SP140: variants seen among roughly 807,000 people sequenced by gnomAD.
SP140 encodes nuclear body protein SP140.
In SP140, 81 loss-of-function variants were observed where a neutral mutation model predicts 125.0. The ratio of observed to expected loss-of-function variants is 0.65; its 90% CI spans 0.54 to 0.78. The LOEUF is 0.78. SP140 is among the 30% of genes least tolerant of loss of function. The probability of loss-of-function intolerance (pLI) is 0.00; values close to 1 mark genes in which losing one functional copy is unlikely to be tolerated. For synonymous variants in SP140, 312 were observed against 354.0 expected (o/e 0.88, Z 1.33); for missense variants, 858 against 1,037.0 (o/e 0.83, Z 2.37).
At chr2:230,260,308 ATTTG>A (rs1458073699) in intron 12 of SP140, among the ~76,000 whole-genome samples, 1 of 151,582 alleles carries the variant, frequency 6.6e-6, no homozygotes, top group Non-Finnish European at 1.5e-5. Context: ...TTTCTTACTG[ATTTG>A]TTTAAGTTCA....
upstream of SP140, among the ~76,000 whole-genome samples, chr2:230,223,350 T>C (rs1574836393): frequency 6.6e-6 from 1 of 152,310 alleles, no homozygotes; most frequent in East Asian, 1.9e-4. Context: ...TGACATTCTA[T>C]GGGATGTCCA....
intron 12 of SP140, among the ~76,000 whole-genome samples, chr2:230,264,379 G>A (rs1277751532): frequency 6.6e-6 from 1 of 151,974 alleles, no homozygotes; most frequent in Non-Finnish European, 1.5e-5. Context: ...TTCACTTCTT[G>A]TATCATATTT....
At chr2:230,239,084 A>G in intron 3 of SP140, 1 of 1,364,562 alleles carries the variant, frequency 7.3e-7, no homozygotes, top group Non-Finnish European at 9.5e-7. Flanking sequence ...GAAAAGTAAA[A>G]GAAGTCAGTA....
chr2:230,253,871 G>C (rs1453164942), intron 11 of SP140, among the ~76,000 whole-genome samples: 2 of 152,208 alleles, frequency 1.3e-5, no homozygotes, highest in African/African-American at 4.8e-5. Flanking sequence ...TTGGGATGGA[G>C]CTGACAAGCA....
At chr2:230,310,461 A>G (rs2555832) in intron 23 of SP140, 2 of 670,332 alleles carry the variant, frequency 3.0e-6, no homozygotes, top group East Asian at 3.2e-5. Flanking sequence ...GGCCTGACAG[A>G]CAGGGTTCCC....
chr2:230,232,537 G>T lies in SP140; in HGVS notation c.60-4546G>T, dbSNP rs538467352. Among the ~76,000 whole-genome samples, 3 of 152,274 alleles carry T rather than the reference G, an allele frequency of 2.0e-5. No individual in the cohort carries two copies. The East Asian group carries it at 5.8e-4, about 29-fold the overall frequency. On this transcript the variant is annotated intron_variant, in intron 1 of 26. Coordinates refer to ENST00000392045, the MANE Select transcript of SP140 (RefSeq NM_007237.5). ...TTTGCGTGTTGAAGCTGAAACCAGA[G>T]GTCTAGTGAACTTTTACATTTTTGA...
chr2:230,295,885 C>G (rs983393800), intron 21 of SP140, among the ~76,000 whole-genome samples: 3 of 152,172 alleles, frequency 2.0e-5, no homozygotes, highest in African/African-American at 4.8e-5. Flanking sequence ...TTCACCCACT[C>G]AACATATAAT....
intron 1 of SP140, among the ~76,000 whole-genome samples, chr2:230,206,614 T>TAC: frequency 1.3e-5 from 1 of 75,774 alleles, no homozygotes; most frequent in East Asian, 5.0e-4. Context: ...TATATATATA[T>TAC]ATATATATAT....
intron 17 of SP140, 41 bp downstream of exon 17, chr2:230,285,873 C>A: frequency 6.8e-7 from 1 of 1,471,212 alleles, no homozygotes; most frequent in South Asian, 1.1e-5. Context: ...CCCTACAGGT[C>A]AATACAAATT....
In SP140 at chr2:230,255,542, G is replaced by A. The variant is rs201513131; in HGVS notation, c.1240+10G>A. ...GCAAGACGTGGGTCAGGTAAGGACG[G>A]GGGGGGGGATTTCTGGCCCTGGGCT... On this transcript the variant is annotated intron_variant, in intron 12 of 26. Transcript: ENST00000392045. 1.7e-4 allele frequency: 165 copies of A among 993,526 alleles called. 1 individual carries two copies. In the East Asian group the frequency reaches 7.5e-3, roughly 45 times the overall value. The allele number at this position is 993,526 out of a possible 1,614,324, so 61.5% of individuals were successfully genotyped here. A position where few individuals can be genotyped will look rare whatever the true frequency, so the allele number is the denominator to read the frequency against.
chr2:230,240,178 A>G (rs2048528852), intron 3 of SP140, among the ~76,000 whole-genome samples: 2 of 151,864 alleles, frequency 1.3e-5, no homozygotes, highest in South Asian at 4.2e-4. Context: ...GTTGGATCAC[A>G]AATCTAGAAG....
intron 5 of SP140, among the ~76,000 whole-genome samples, 162 bp downstream of exon 5, chr2:230,243,973 T>C (rs964321740): frequency 6.6e-6 from 1 of 152,210 alleles, no homozygotes; most frequent in African/African-American, 2.4e-5. Flanking sequence ...TAAGTGTATG[T>C]TATAGTAGAA....
At position 230,241,445 on chromosome 2, in the gene SP140, G is replaced by A. The variant is rs765460715; in HGVS notation, c.448G>A (p.Asp150Asn). 6.3e-6 allele frequency: 10 copies of A among 1,595,982 alleles called. No homozygotes were observed. The highest frequency in any genetic ancestry group is 2.2e-5 in the East Asian group (1 of 44,830). ...HSPLQMNNVN[D>N]LEDRPRLLPY... is the part of the protein sequence containing the mutation. Reference sequence around the variant, plus strand: ...ACCTCTCCAAATGAATAATGTAAACGATTTAGAAGATAGACCCAGATTACT... The same window carrying A: ...ACCTCTCCAAATGAATAATGTAAACAATTTAGAAGATAGACCCAGATTACT... The change falls in exon 4 of 27, where the codon GAT becomes AAT. Residue 150 changes from aspartate to asparagine, a missense_variant. Around this residue, in one of 4 missense-constraint regions of SP140, gnomAD observed 791 missense variants for 869.5 expected, o/e 0.91. Coordinates refer to ENST00000392045, the MANE Select transcript of SP140 (RefSeq NM_007237.5).
intron 24 of SP140, 106 bp downstream of exon 24, chr2:230,310,957 G>A (rs1488570383): frequency 1.2e-5 from 9 of 732,366 alleles, no homozygotes; most frequent in South Asian, 1.9e-5. Context: ...GCTCTTCCGC[G>A]CCACACTTCA....
Position 230,259,992 on chromosome 2 carries a change from T to C in SP140, c.1240+4460T>C, listed in dbSNP as rs2051954244. ...ATTGCTGGATCAAATGGTAGTTCTA[T>C]TTTTAGTTCTTTAAGGAATCTCTAC... On this transcript the variant is annotated intron_variant, in intron 12 of 26. Coordinates refer to ENST00000392045, the MANE Select transcript of SP140 (RefSeq NM_007237.5). Among the ~76,000 whole-genome samples, 8 of 152,026 alleles carry C rather than the reference T, an allele frequency of 5.3e-5. No homozygotes were observed. In the South Asian group the frequency reaches 1.7e-3, roughly 32 times the overall value.
At chr2:230,192,026 A>T in the SP140 span, among the ~76,000 whole-genome samples, 2 of 152,242 alleles carry the variant, frequency 1.3e-5, no homozygotes, top group Admixed American at 1.3e-4. Context: ...CAGAACCAAG[A>T]CAAAAACCAC....
chr2:230,208,862 G>T (rs911079955), intron 1 of SP140, among the ~76,000 whole-genome samples: 9 of 152,144 alleles, frequency 5.9e-5, no homozygotes, highest in Non-Finnish European at 1.3e-4. Flanking sequence ...GAGAGGAAAG[G>T]CAGGTTTAAG....
intron 22 of SP140, among the ~76,000 whole-genome samples, chr2:230,302,259 T>TGGC (rs2058351763): frequency 6.7e-6 from 1 of 149,268 alleles, no homozygotes; most frequent in Non-Finnish European, 1.5e-5. Flanking sequence ...CTGGGCGTGG[T>TGGC]GGCAGGCACC....
At chr2:230,249,738 G>T (rs2114588) in intron 9 of SP140, among the ~76,000 whole-genome samples, 1 of 151,988 alleles carries the variant, frequency 6.6e-6, no homozygotes. Flanking sequence ...AAGAACCCAT[G>T]AAGAGTGAAA....
Sources: allele counts gnomAD v4.1 joint callset (sites outside exome capture counted in the v4.1 genomes callset), GRCh38; gene constraint gnomAD v4.1.1; regional missense constraint gnomAD v4.1.1; transcripts MANE v1.5; gene names NCBI Gene and HGNC (gene_info 2026-07-23, HGNC 2026-07-21).